TRMT1L: variants seen among roughly 807,000 people sequenced by gnomAD.
The protein encoded by TRMT1L is tRNA (guanine(27)-N(2))-dimethyltransferase.
TRMT1L carries 28 observed loss-of-function variants against 81.6 expected under a neutral mutation model. That is an observed-to-expected ratio of 0.34 (90% confidence interval 0.25 to 0.47). TRMT1L has a LOEUF of 0.47. Among genes scored for constraint, TRMT1L ranks in the 20% least tolerant of loss-of-function variants. The pLI, the probability that TRMT1L is intolerant of heterozygous loss-of-function variation, is 1.00. For missense variants in TRMT1L, 739 were observed against 877.1 expected (o/e 0.84, Z 1.99); for synonymous variants, 301 against 303.2 (o/e 0.99, Z 0.07).
intron 12 of TRMT1L, 139 bp from the exon 13 acceptor site, chr1:185,124,058 T>G: frequency 3.7e-6 from 2 of 535,086 alleles, no homozygotes; most frequent in Non-Finnish European, 6.4e-6. Context: ...CAAACTGAAC[T>G]GCAAAAATTA....
intron 11 of TRMT1L, among the ~76,000 whole-genome samples, chr1:185,128,049 G>C (rs185458176): frequency 2.0e-4 from 30 of 152,068 alleles, no homozygotes; most frequent in African/African-American, 7.2e-4. Context: ...AGGAGGTGGA[G>C]GTTGCAGTGA....
At chr1:185,143,652 T>C (rs1326021453) in intron 6 of TRMT1L, among the ~76,000 whole-genome samples, 1 of 152,142 alleles carries the variant, frequency 6.6e-6, no homozygotes, top group Non-Finnish European at 1.5e-5. Flanking sequence ...TATTTATTTA[T>C]TTATAAAGAA....
At chr1:185,126,452 G>A (rs1194391399) in intron 11 of TRMT1L, among the ~76,000 whole-genome samples, 3 of 152,132 alleles carry the variant, frequency 2.0e-5, no homozygotes, top group East Asian at 1.9e-4. Context: ...GAACCACCAC[G>A]CCTGGCCAAA....
In TRMT1L at chr1:185,119,431, T is replaced by G. The variant is rs1359205805; in HGVS notation, c.*588A>C. 6.6e-6 allele frequency: 1 copy of G among 152,200 alleles called. No individual in the cohort carries two copies. The highest frequency in any genetic ancestry group is 1.5e-5 in the Non-Finnish European group (1 of 68,030). The allele number at this position is 152,200 out of a possible 1,614,324, so 9.4% of individuals were successfully genotyped here. On this transcript the variant is annotated 3_prime_UTR_variant, in exon 15 of 15. Transcript: ENST00000367506. Reference sequence around the variant, plus strand: ...AAGTTACAAAAATAAAGTATTTCTATCTCAGGCAAGTATTTAATTTCTTAA... The same window carrying G: ...AAGTTACAAAAATAAAGTATTTCTAGCTCAGGCAAGTATTTAATTTCTTAA...
In TRMT1L at chr1:185,123,999, T is replaced by C. The variant is rs545831798; in HGVS notation, c.1760-80A>G. ...ACAACTCAGTTTAAATAAAAGTTTA[T>C]GAAATTCCATCCACACTATTTTCAC... On this transcript the variant is annotated intron_variant, in intron 12 of 14. Transcript: ENST00000367506. 8.9e-6 allele frequency: 7 copies of C among 787,352 alleles called. No individual in the cohort carries two copies. The African/African-American group carries it at 1.3e-4, about 14-fold the overall frequency. 48.8% of individuals were successfully genotyped at this position (787,352 alleles called of 1,614,324 possible).
intron 13 of TRMT1L, among the ~76,000 whole-genome samples, chr1:185,122,924 A>G (rs1652535729): frequency 1.3e-5 from 2 of 152,100 alleles, no homozygotes; most frequent in Non-Finnish European, 2.9e-5. Context: ...ACCTCAAGTG[A>G]TCTACCCAAC....
chr1:185,137,863 A>G (rs1466665612), intron 9 of TRMT1L, 67 bp from the exon 10 acceptor site: 2 of 1,490,068 alleles, frequency 1.3e-6, no homozygotes, highest in South Asian at 1.2e-5. Context: ...TTATACTGAC[A>G]ATATTAACCT....
chr1:185,142,691 G>A (rs1653081311), intron 7 of TRMT1L, among the ~76,000 whole-genome samples: 1 of 149,354 alleles, frequency 6.7e-6, no homozygotes, highest in African/African-American at 2.5e-5. Flanking sequence ...CTAATTAAAT[G>A]ACCAATTTAC....
intron 10 of TRMT1L, among the ~76,000 whole-genome samples, chr1:185,133,239 TTA>T (rs1652817602): frequency 6.6e-6 from 1 of 152,202 alleles, no homozygotes; most frequent in South Asian, 2.1e-4. Context: ...GCTTTTATTT[TTA>T]TTTTTGTAGA....
chr1:185,141,971 T>C (rs1482612144), intron 7 of TRMT1L, among the ~76,000 whole-genome samples: 1 of 152,214 alleles, frequency 6.6e-6, no homozygotes, highest in Non-Finnish European at 1.5e-5. Flanking sequence ...ATAGGCTTGC[T>C]ATGAAATCAT....
At chr1:185,147,294 A>G in intron 3 of TRMT1L, 48 bp from the exon 4 acceptor site, 1 of 1,402,876 alleles carries the variant, frequency 7.1e-7, no homozygotes, top group Non-Finnish European at 1.0e-6. Context: ...TTAAATATTC[A>G]GTTATCAAAA....
In TRMT1L at chr1:185,156,863, G is replaced by A; in HGVS notation, c.-151C>T. The A allele has an allele frequency of 6.4e-6, 7 of 1,090,872 alleles. No individual in the cohort carries two copies. Among genetic ancestry groups the A allele is most frequent in the Non-Finnish European group, 8.9e-6 (7 of 788,934 alleles). 67.6% of individuals were successfully genotyped at this position (1,090,872 alleles called of 1,614,324 possible). A position where few individuals can be genotyped will look rare whatever the true frequency, so the allele number is the denominator to read the frequency against. Reference sequence around the variant, plus strand: ...ATGCGTGCAACAGACAAAAGATGAAGAACCAGTGACCAAATCCTGTTAGTA... The same window carrying A: ...ATGCGTGCAACAGACAAAAGATGAAAAACCAGTGACCAAATCCTGTTAGTA... On this transcript the variant is annotated 5_prime_UTR_variant, in exon 1 of 15. Coordinates refer to ENST00000367506, the MANE Select transcript of TRMT1L (RefSeq NM_030934.5).
At position 185,147,192 on chromosome 1, in the gene TRMT1L, A is replaced by G. The variant is rs1653210072; in HGVS notation, c.515T>C (p.Ile172Thr). The change falls in exon 4 of 15, where the codon ATT becomes ACT. Residue 172 changes from isoleucine to threonine, a missense_variant. Coordinates refer to ENST00000367506, the MANE Select transcript of TRMT1L (RefSeq NM_030934.5). ...CTAATATCTGATCACCTGTTCTCCA[A>G]TAATGTTTGGTTTCACTGGTCGACA... is the stretch of plus-strand genomic sequence containing the variant. The part of the protein sequence containing the change: ...LPCRPVKPNI[I>T]GEQITSKMGA... 4.4e-6 allele frequency: 7 copies of G among 1,608,048 alleles called. No homozygotes were observed. The East Asian group carries it at 1.6e-4, about 36-fold the overall frequency.
At chr1:185,151,334 A>C (rs1264365636) in intron 2 of TRMT1L, among the ~76,000 whole-genome samples, 1 of 152,188 alleles carries the variant, frequency 6.6e-6, no homozygotes, top group Admixed American at 6.5e-5. Context: ...GAGTATAGGT[A>C]CAATTTTTAT....
Position 185,145,572 on chromosome 1 carries a change from T to C in TRMT1L, c.526-4A>G. 1.2e-6 allele frequency: 2 copies of C among 1,609,396 alleles called. No individual in the cohort carries two copies. Among genetic ancestry groups the C allele is most frequent in the Non-Finnish European group, 8.5e-7 (1 of 1,177,122 alleles). ...GGGCTCCCATTTTACTGGTTATCTA[T>C]CAAACAGAGTATTTAATTTAAATAA... On this transcript the variant is annotated splice_polypyrimidine_tract_variant and splice_region_variant and intron_variant, in intron 4 of 14. Transcript: ENST00000367506.
chr1:185,156,238 T>C (rs533061239), intron 1 of TRMT1L, among the ~76,000 whole-genome samples: 16 of 152,336 alleles, frequency 1.1e-4, no homozygotes, highest in African/African-American at 3.8e-4. Context: ...TTTCCTTCTA[T>C]CTGCAGCATT....
At chr1:185,154,498 C>T (rs10737256) in intron 1 of TRMT1L, among the ~76,000 whole-genome samples, 77,287 of 152,068 alleles carry the variant, frequency 0.51, 21,147 homozygotes, top group African/African-American at 0.73. Flanking sequence ...GGTCAGACAG[C>T]AATATTCCAG....
intron 10 of TRMT1L, among the ~76,000 whole-genome samples, chr1:185,134,958 T>C (rs1446836035): frequency 2.0e-5 from 3 of 152,110 alleles, no homozygotes; most frequent in African/African-American, 4.8e-5. Flanking sequence ...CATATTCTAA[T>C]AACATAGAGA....
chr1:185,137,871 C>A lies in TRMT1L; in HGVS notation c.1323-75G>T, dbSNP rs1652939881. The A allele has an allele frequency of 2.8e-6, 4 of 1,435,356 alleles. No homozygotes were observed. In the South Asian group the frequency reaches 3.8e-5, roughly 14 times the overall value. The allele number at this position is 1,435,356 out of a possible 1,614,324, so 88.9% of individuals were successfully genotyped here. On this transcript the variant is annotated intron_variant, in intron 9 of 14. Coordinates refer to ENST00000367506, the MANE Select transcript of TRMT1L (RefSeq NM_030934.5). ...TTTGGCATTATACTGACAATATTAA[C>A]CTGGACAGTATACTATGGATAAGTT...
Sources: allele counts gnomAD v4.1 joint callset (sites outside exome capture counted in the v4.1 genomes callset), GRCh38; gene constraint gnomAD v4.1.1; transcripts MANE v1.5; gene names NCBI Gene and HGNC (gene_info 2026-07-23, HGNC 2026-07-21).